Variants in LIPI observed in about 807,000 individuals in gnomAD.
The protein encoded by LIPI is lipase I.
A neutral mutation model predicts 50.6 loss-of-function variants in LIPI; 59 were observed. The ratio of observed to expected loss-of-function variants is 1.16; its 90% CI spans 0.94 to 1.45. LIPI has a LOEUF of 1.45. Ranked by LOEUF, LIPI falls within the 40% of genes most tolerant of loss-of-function variation. The pLI is 0.00. For synonymous variants in LIPI, 203 were observed against 178.2 expected, an observed-to-expected ratio of 1.14 and a Z score of -1.11; for missense variants, 586 against 536.3, an observed-to-expected ratio of 1.09 and a Z score of -0.92.
chr21:14,118,381 C>G lies in LIPI; in HGVS notation c.1296-9301G>C, dbSNP rs527921098. ...GACTATGCTAATATTATCAGAGCCA[C>G]AGTTATCACAGAAAAGACACCTTTT... On this transcript the variant is annotated intron_variant, in intron 9 of 9. Coordinates refer to ENST00000681601, the MANE Select transcript of LIPI (RefSeq NM_001302998.2). 1.1e-4 allele frequency among the ~76,000 whole-genome samples: 16 copies of G among 152,146 alleles called. 1 individual carries two copies. The highest frequency in any genetic ancestry group is 2.9e-5 in the Non-Finnish European group (2 of 68,024).
At chr21:14,150,297 A>T (rs1458657407) in intron 8 of LIPI, among the ~76,000 whole-genome samples, 1 of 152,168 alleles carries the variant, frequency 6.6e-6, no homozygotes, top group Admixed American at 6.5e-5. Context: ...GGTGGGGACA[A>T]ACAGCCAAAC....
At chr21:14,202,412 A>G (rs1271419123) in intron 1 of LIPI, among the ~76,000 whole-genome samples, 1 of 152,212 alleles carries the variant, frequency 6.6e-6, no homozygotes, top group Admixed American at 6.6e-5. Flanking sequence ...TGGAGGCATC[A>G]TGCTACCTGA....
At chr21:14,198,985 G>C (rs1194725667) in intron 1 of LIPI, among the ~76,000 whole-genome samples, 2 of 151,924 alleles carry the variant, frequency 1.3e-5, no homozygotes, top group East Asian at 3.9e-4. Flanking sequence ...ACATGAAATA[G>C]AATAGCCTAC....
intron 4 of LIPI, among the ~76,000 whole-genome samples, chr21:14,171,787 A>G (rs2018918432): frequency 6.6e-6 from 1 of 151,858 alleles, no homozygotes; most frequent in Admixed American, 6.6e-5. Context: ...AGGCAATACC[A>G]TTCAGGACAT....
chr21:14,200,406 G>A (rs1231340484), intron 1 of LIPI, among the ~76,000 whole-genome samples: 1 of 152,024 alleles, frequency 6.6e-6, no homozygotes, highest in African/African-American at 2.4e-5. Flanking sequence ...CTTCAGCAAA[G>A]TCTTAGGATA....
chr21:14,145,959 T>G (rs2017888826), intron 8 of LIPI, among the ~76,000 whole-genome samples: 1 of 152,170 alleles, frequency 6.6e-6, no homozygotes, highest in Non-Finnish European at 1.5e-5. Flanking sequence ...GTTACCACCT[T>G]CTTTTTCACA....
intron 1 of LIPI, among the ~76,000 whole-genome samples, chr21:14,204,079 C>A (rs771451432): frequency 1.3e-5 from 2 of 151,796 alleles, no homozygotes; most frequent in African/African-American, 2.4e-5. Flanking sequence ...CACACTGGGC[C>A]CTGTTTGTGG....
rs1297197878 is a variant in LIPI at position 14,189,070 on chromosome 21, A to C, written c.396T>G (p.Val132=). 1 of 1,609,304 alleles carries C rather than the reference A, an allele frequency of 6.2e-7. No homozygotes were observed. Among genetic ancestry groups the C allele is most frequent in the Non-Finnish European group, 8.5e-7 (1 of 1,179,938 alleles). The change falls in exon 2 of 10, where the codon GTT becomes GTG. Residue 132 remains valine (V), a synonymous_variant. Transcript: ENST00000681601. ...YNRAVKNTRK[V]AVSLSVHIKN... ...TAATGTGCACACTCAAACTCACAGCAACTTTTCTGGTGTTTTTAACTGCTC... is the reference window on the plus strand; with the variant it reads ...TAATGTGCACACTCAAACTCACAGCCACTTTTCTGGTGTTTTTAACTGCTC...
At chr21:14,170,905 G>C (rs1295514883) in intron 4 of LIPI, among the ~76,000 whole-genome samples, 1 of 151,694 alleles carries the variant, frequency 6.6e-6, no homozygotes, top group Non-Finnish European at 1.5e-5. Flanking sequence ...TATTCAATTA[G>C]GAAAAGAGAA....
At chr21:14,171,023 G>C (rs201580787) in intron 4 of LIPI, among the ~76,000 whole-genome samples, 5 of 150,606 alleles carry the variant, frequency 3.3e-5, no homozygotes, top group Admixed American at 2.0e-4. Context: ...AAAGTCTCAG[G>C]ATACAAAATC....
chr21:14,167,051 G>A (rs1181670276), intron 4 of LIPI, among the ~76,000 whole-genome samples: 1 of 152,232 alleles, frequency 6.6e-6, no homozygotes, highest in Non-Finnish European at 1.5e-5. Flanking sequence ...CGGCCCACCA[G>A]GAGATTATAT....
At chr21:14,115,852 A>G (rs1488834920) in intron 9 of LIPI, among the ~76,000 whole-genome samples, 1 of 152,132 alleles carries the variant, frequency 6.6e-6, no homozygotes, top group Non-Finnish European at 1.5e-5. Flanking sequence ...TCCAACCCAG[A>G]GTAGCTGGGT....
At chr21:14,141,036 T>A (rs1320149281) in intron 9 of LIPI, among the ~76,000 whole-genome samples, 1 of 152,188 alleles carries the variant, frequency 6.6e-6, no homozygotes, top group Non-Finnish European at 1.5e-5. Flanking sequence ...ATTCTCTTCA[T>A]CATCAAAGTT....
intron 6 of LIPI, among the ~76,000 whole-genome samples, chr21:14,164,001 TTTACA>T (rs1279603341): frequency 6.6e-6 from 1 of 150,638 alleles, no homozygotes; most frequent in African/African-American, 2.4e-5. Flanking sequence ...ATAGGTATAC[TTTACA>T]TGTACTGTAT....
intron 9 of LIPI, among the ~76,000 whole-genome samples, chr21:14,127,215 T>G (rs1317910415): frequency 1.3e-5 from 2 of 152,224 alleles, no homozygotes; most frequent in African/African-American, 4.8e-5. Context: ...AGGCATCACA[T>G]TTTTATAACT....
chr21:14,210,087 A>G (rs945644980), intron 1 of LIPI, among the ~76,000 whole-genome samples: 1 of 152,024 alleles, frequency 6.6e-6, no homozygotes, highest in East Asian at 1.9e-4. Context: ...TTAAAACATA[A>G]AGGAAATAAT....
intron 4 of LIPI, among the ~76,000 whole-genome samples, chr21:14,167,089 C>T (rs1031581202): frequency 6.6e-6 from 1 of 152,178 alleles, no homozygotes; most frequent in South Asian, 2.1e-4. Context: ...GGGTCCTACG[C>T]CCACGGAGTC....
At chr21:14,154,925 A>G (rs2018222931) in intron 7 of LIPI, among the ~76,000 whole-genome samples, 1 of 152,062 alleles carries the variant, frequency 6.6e-6, no homozygotes, top group Non-Finnish European at 1.5e-5. Flanking sequence ...CATAATACCA[A>G]GAACAAAGAA....
chr21:14,161,379 A>G (rs1172744791), intron 7 of LIPI, among the ~76,000 whole-genome samples: 1 of 143,246 alleles, frequency 7.0e-6, no homozygotes, highest in Non-Finnish European at 1.5e-5. Context: ...TCTATTATAT[A>G]TGACATATAA....
Sources: allele counts gnomAD v4.1 joint callset (sites outside exome capture counted in the v4.1 genomes callset), GRCh38; gene constraint gnomAD v4.1.1; transcripts MANE v1.5; gene names NCBI Gene and HGNC (gene_info 2026-07-23, HGNC 2026-07-21).